FAF1: variants seen among roughly 807,000 people sequenced by gnomAD.
The protein encoded by FAF1 is Fas associated factor 1.
In FAF1, 25 loss-of-function variants were observed where a neutral mutation model predicts 92.5. The observed-to-expected ratio is 0.27, with a 90% CI of 0.20 to 0.38. The LOEUF is 0.38. FAF1 is among the 10% of genes least tolerant of loss of function. FAF1 has a pLI of 1.00. For synonymous variants in FAF1, 234 were observed against 273.2 expected (o/e 0.86, Z 1.42); for missense variants, 636 against 793.3 (o/e 0.80, Z 2.38).
At chr1:50,942,515 T>C (rs1645141881) in intron 1 of FAF1, among the ~76,000 whole-genome samples, 1 of 152,036 alleles carries the variant, frequency 6.6e-6, no homozygotes, top group African/African-American at 2.4e-5. Context: ...TAAATGTTAG[T>C]TGTAGTTATT....
chr1:50,739,049 G>T, intron 5 of FAF1, 95 bp from the exon 6 acceptor site: 1 of 794,818 alleles, frequency 1.3e-6, no homozygotes, highest in Non-Finnish European at 2.0e-6. Flanking sequence ...TAATTTTGTA[G>T]TTTTTTTTAT....
chr1:50,808,208 T>C (rs1250537119), intron 2 of FAF1, among the ~76,000 whole-genome samples: 2 of 152,116 alleles, frequency 1.3e-5, no homozygotes, highest in Non-Finnish European at 2.9e-5. Context: ...GACAAGCAAA[T>C]GCTAAGGGAA....
rs56057793 is a variant in FAF1, at chr1:50,903,369, G to A, written c.46-45372C>T. Among the ~76,000 whole-genome samples, 845 of 152,176 alleles carry A rather than the reference G, an allele frequency of 5.6e-3. 6 individuals are homozygous for A. The highest frequency in any genetic ancestry group is 0.019 in the African/African-American group (809 of 41,526). ...TCCTGAGATACTTATAAATTATAATGATTAGCACACTGTGTCTTTATATAG... is the reference window on the plus strand; with the variant it reads ...TCCTGAGATACTTATAAATTATAATAATTAGCACACTGTGTCTTTATATAG... On this transcript the variant is annotated intron_variant, in intron 1 of 18. Coordinates refer to ENST00000396153, the MANE Select transcript of FAF1 (RefSeq NM_007051.3).
chr1:50,800,210 G>C (rs1475118853), intron 3 of FAF1, among the ~76,000 whole-genome samples: 3 of 152,166 alleles, frequency 2.0e-5, no homozygotes, highest in Non-Finnish European at 4.4e-5. Context: ...GTTTCCAGGG[G>C]AGAAGAAGTT....
At position 50,729,060 on chromosome 1, in the gene FAF1, T is replaced by A. The variant is rs369081361; in HGVS notation, c.551+9803A>T. On this transcript the variant is annotated intron_variant, in intron 6 of 18. Coordinates refer to ENST00000396153, the MANE Select transcript of FAF1 (RefSeq NM_007051.3). ...TATATATATATATATATATATATAT[T>A]TTTTTTTTTTTTGAGGCAGAGTTTC... is the stretch of plus-strand genomic sequence containing the variant. Among the ~76,000 whole-genome samples the A allele has an allele frequency of 2.5e-3, 190 of 76,264 alleles. 2 individuals carry two copies. Among genetic ancestry groups the A allele is most frequent in the South Asian group, 9.7e-3 (22 of 2,276 alleles). The allele number at this position is 76,264 out of a possible 152,430, so 50.0% of individuals were successfully genotyped here. A position where few individuals can be genotyped will look rare whatever the true frequency, so the allele number is the denominator to read the frequency against.
chr1:50,494,021 G>A (rs1261179984), intron 15 of FAF1, among the ~76,000 whole-genome samples: 3 of 152,244 alleles, frequency 2.0e-5, no homozygotes, highest in African/African-American at 7.2e-5. Flanking sequence ...CCTGTTGTGT[G>A]TTCTTTCCCT....
intron 1 of FAF1, among the ~76,000 whole-genome samples, chr1:50,950,414 C>T (rs1031028780): frequency 3.3e-5 from 5 of 152,154 alleles, no homozygotes; most frequent in African/African-American, 9.7e-5. Context: ...ACCTTAAATG[C>T]CCAGACAGTA....
At chr1:50,726,510 C>A (rs190235911) in intron 6 of FAF1, among the ~76,000 whole-genome samples, 1 of 152,056 alleles carries the variant, frequency 6.6e-6, no homozygotes, top group Admixed American at 6.6e-5. Flanking sequence ...TCCTGGCTAA[C>A]ACGGTGAAAC....
At chr1:50,896,427 T>C (rs1644758469) in intron 1 of FAF1, among the ~76,000 whole-genome samples, 1 of 152,178 alleles carries the variant, frequency 6.6e-6, no homozygotes, top group African/African-American at 2.4e-5. Context: ...ACACCTATGT[T>C]TTTTAAAAAA....
At chr1:50,792,413 T>C (rs1661595787) in intron 3 of FAF1, among the ~76,000 whole-genome samples, 1 of 152,176 alleles carries the variant, frequency 6.6e-6, no homozygotes, top group Non-Finnish European at 1.5e-5. Context: ...GGAATGAGGA[T>C]ACCTGGGTGA....
At chr1:50,598,265 C>T (rs1245643604) in intron 8 of FAF1, among the ~76,000 whole-genome samples, 1 of 151,430 alleles carries the variant, frequency 6.6e-6, no homozygotes, top group Non-Finnish European at 1.5e-5. Flanking sequence ...CACTGTACTC[C>T]AGCTTGGGTG....
intron 7 of FAF1, among the ~76,000 whole-genome samples, chr1:50,659,760 A>G (rs945269473): frequency 6.6e-6 from 1 of 152,198 alleles, no homozygotes; most frequent in Admixed American, 6.5e-5. Context: ...TTGGATCTAG[A>G]GTTCTAGATT....
intron 1 of FAF1, among the ~76,000 whole-genome samples, chr1:50,889,696 C>G (rs1175779024): frequency 1.3e-5 from 2 of 152,058 alleles, no homozygotes; most frequent in East Asian, 1.9e-4. Context: ...TCTTAATCCT[C>G]ATTTCTAGTT....
chr1:50,696,598 C>A (rs1024299784), intron 7 of FAF1, among the ~76,000 whole-genome samples: 11 of 152,140 alleles, frequency 7.2e-5, no homozygotes, highest in African/African-American at 2.7e-4. Context: ...TCCTTCCTAG[C>A]CTTCATCTAA....
intron 1 of FAF1, among the ~76,000 whole-genome samples, chr1:50,897,879 G>T (rs1644769011): frequency 1.3e-5 from 2 of 152,052 alleles, no homozygotes; most frequent in African/African-American, 4.8e-5. Flanking sequence ...TCTTAACTTT[G>T]TGTCATCATG....
At chr1:50,638,365 A>T (rs1048864606) in intron 8 of FAF1, among the ~76,000 whole-genome samples, 1 of 152,102 alleles carries the variant, frequency 6.6e-6, no homozygotes, top group Non-Finnish European at 1.5e-5. Flanking sequence ...GCAAGTGAAC[A>T]TCCTTACATC....
At chr1:50,651,857 TGA>T (rs1654879450) in intron 8 of FAF1, among the ~76,000 whole-genome samples, 1 of 152,232 alleles carries the variant, frequency 6.6e-6, no homozygotes, top group South Asian at 2.1e-4. Flanking sequence ...ACCAGTTTTA[TGA>T]GTTTTTATAC....
chr1:50,794,487 T>C (rs1270289074), intron 3 of FAF1, among the ~76,000 whole-genome samples: 2 of 152,224 alleles, frequency 1.3e-5, no homozygotes, highest in Non-Finnish European at 2.9e-5. Flanking sequence ...CATTGAATCA[T>C]AGGCAATAGA....
intron 1 of FAF1, among the ~76,000 whole-genome samples, chr1:50,927,694 T>A (rs897699637): frequency 6.6e-6 from 1 of 152,164 alleles, no homozygotes; most frequent in African/African-American, 2.4e-5. Flanking sequence ...GGAACTCTGA[T>A]TATATTCTTC....
Sources: allele counts gnomAD v4.1 joint callset (sites outside exome capture counted in the v4.1 genomes callset), GRCh38; gene constraint gnomAD v4.1.1; transcripts MANE v1.5; gene names NCBI Gene and HGNC (gene_info 2026-07-23, HGNC 2026-07-21).